LRRC4C: variants seen among roughly 807,000 people sequenced by gnomAD.
LRRC4C encodes leucine rich repeat containing 4C.
LRRC4C carries 5 observed loss-of-function variants against 33.6 expected under a neutral mutation model. That is an observed-to-expected ratio of 0.15 (90% confidence interval 0.08 to 0.31). LRRC4C has a LOEUF of 0.31. LRRC4C is among the 10% of genes least tolerant of loss of function. LRRC4C has a pLI of 1.00. For synonymous variants in LRRC4C, 329 were observed against 302.0 expected (o/e 1.09, Z -0.93); for missense variants, 560 against 796.7 (o/e 0.70, Z 3.58).
At chr11:40,571,093 G>T (rs1001815208) in intron 3 of LRRC4C, among the ~76,000 whole-genome samples, 7 of 151,972 alleles carry the variant, frequency 4.6e-5, no homozygotes, top group African/African-American at 1.7e-4. Context: ...AGAGTTTTAT[G>T]AATATATAAC....
intron 1 of LRRC4C, among the ~76,000 whole-genome samples, chr11:40,962,208 G>C (rs985804600): frequency 6.6e-6 from 1 of 151,544 alleles, no homozygotes; most frequent in Non-Finnish European, 1.5e-5. Flanking sequence ...AAAAAAAGGG[G>C]CTATGCTGTG....
chr11:40,403,292 T>C (rs963695594), intron 3 of LRRC4C, among the ~76,000 whole-genome samples: 1 of 152,136 alleles, frequency 6.6e-6, no homozygotes, highest in African/African-American at 2.4e-5. Flanking sequence ...TTATGCAGGA[T>C]TAAAACACCA....
intron 1 of LRRC4C, among the ~76,000 whole-genome samples, chr11:41,214,041 C>A (rs755425469): frequency 3.3e-5 from 5 of 152,280 alleles, no homozygotes; most frequent in Admixed American, 6.5e-5. Context: ...GCTGTTTTCC[C>A]ATTTTCCTAT....
rs530454263 is a variant in LRRC4C at position 40,953,467 on chromosome 11, T to C, written c.-495-19744A>G. The stretch of plus-strand genomic sequence containing the variant: ...CACCTTCTCTGAACCTCTGAATACA[T>C]TGCATTATCATTCTTCTTGTCACCA... On this transcript the variant is annotated intron_variant, in intron 1 of 6. Transcript: ENST00000528697. Among the ~76,000 whole-genome samples, 66 of 152,000 alleles carry C rather than the reference T, an allele frequency of 4.3e-4. No homozygotes were observed. In the South Asian group the frequency reaches 0.012, roughly 28 times the overall value.
rs146747810 is a variant in LRRC4C, at chr11:40,270,871, G to A, written c.-175-29273C>T. Among the ~76,000 whole-genome samples, 1,520 of 152,134 alleles carry A rather than the reference G, an allele frequency of 1.0e-2. 27 individuals carry two copies. The highest frequency in any genetic ancestry group is 0.088 in the South Asian group (424 of 4,812). On this transcript the variant is annotated intron_variant, in intron 4 of 6. Coordinates refer to ENST00000528697, the MANE Select transcript of LRRC4C (RefSeq NM_001258419.2). ...GACATTGAGAGTTATCATATGTATC[G>A]GGTGATTTTGATCACACTAGTGTAC...
chr11:41,050,627 C>A (rs1858133989), intron 1 of LRRC4C, among the ~76,000 whole-genome samples: 1 of 152,118 alleles, frequency 6.6e-6, no homozygotes, highest in Non-Finnish European at 1.5e-5. Context: ...TCAACTCACT[C>A]TTTTTTATGG....
intron 5 of LRRC4C, among the ~76,000 whole-genome samples, chr11:40,195,882 T>A (rs1352662331): frequency 6.6e-6 from 1 of 152,192 alleles, no homozygotes; most frequent in African/African-American, 2.4e-5. Context: ...GAAGTATTTA[T>A]AAGGTGTGGC....
chr11:40,789,586 T>C (rs1207187385), intron 2 of LRRC4C, among the ~76,000 whole-genome samples: 2 of 146,118 alleles, frequency 1.4e-5, no homozygotes, highest in Non-Finnish European at 3.0e-5. Context: ...ACTTCAGATA[T>C]ATTTTTAAAA....
At chr11:40,427,140 G>A (rs1299184043) in intron 3 of LRRC4C, among the ~76,000 whole-genome samples, 2 of 152,088 alleles carry the variant, frequency 1.3e-5, no homozygotes, top group East Asian at 3.9e-4. Flanking sequence ...ATAGAGGGTT[G>A]GCAAGGGGCA....
intron 6 of LRRC4C, among the ~76,000 whole-genome samples, chr11:40,130,928 C>T (rs1157779966): frequency 6.6e-6 from 1 of 152,150 alleles, no homozygotes; most frequent in African/African-American, 2.4e-5. Context: ...TACAATGGCT[C>T]TTTCTACTAG....
intron 1 of LRRC4C, among the ~76,000 whole-genome samples, chr11:41,331,961 T>C (rs1369742316): frequency 3.3e-5 from 5 of 152,210 alleles, no homozygotes; most frequent in Non-Finnish European, 1.5e-5. Context: ...ACTCCCATGA[T>C]AACCCCTTAT....
chr11:40,220,288 T>C lies in LRRC4C; in HGVS notation c.-96+21231A>G, dbSNP rs866843798. Reference sequence around the variant, plus strand: ...TGTCGACTCCTACACCTCCCAAAAATTGTTAACTGTCATGAAAGTTTTAGA... The same window carrying C: ...TGTCGACTCCTACACCTCCCAAAAACTGTTAACTGTCATGAAAGTTTTAGA... On this transcript the variant is annotated intron_variant, in intron 5 of 6. Coordinates refer to ENST00000528697, the MANE Select transcript of LRRC4C (RefSeq NM_001258419.2). 3.6e-4 allele frequency among the ~76,000 whole-genome samples: 55 copies of C among 152,292 alleles called. No homozygotes were observed. The Middle Eastern group carries it at 0.01, about 28-fold the overall frequency.
chr11:40,868,292 T>C (rs1387880630), intron 2 of LRRC4C, among the ~76,000 whole-genome samples: 1 of 152,166 alleles, frequency 6.6e-6, no homozygotes, highest in Non-Finnish European at 1.5e-5. Context: ...ATTGCCATAA[T>C]GGCTTAAGCT....
chr11:40,165,809 G>A lies in LRRC4C; in HGVS notation c.-95-24956C>T, dbSNP rs375928445. Among the ~76,000 whole-genome samples the A allele has an allele frequency of 2.5e-4, 38 of 152,268 alleles. 2 individuals are homozygous for A. The highest frequency in any genetic ancestry group is 8.7e-4 in the African/African-American group (36 of 41,568). ...AAAAATACAAAATTAGCCGGGCGTGGTGGTGCATGCTTGTAATCCCAGCTA... is the reference window on the plus strand; with the variant it reads ...AAAAATACAAAATTAGCCGGGCGTGATGGTGCATGCTTGTAATCCCAGCTA... On this transcript the variant is annotated intron_variant, in intron 5 of 6. Coordinates refer to ENST00000528697, the MANE Select transcript of LRRC4C (RefSeq NM_001258419.2).
At chr11:40,678,336 A>G (rs1312775321) in intron 2 of LRRC4C, among the ~76,000 whole-genome samples, 1 of 151,866 alleles carries the variant, frequency 6.6e-6, no homozygotes, top group African/African-American at 2.4e-5. Context: ...CATTTAATCC[A>G]TCTTCATTTC....
intron 4 of LRRC4C, among the ~76,000 whole-genome samples, chr11:40,312,270 G>A (rs1226989677): frequency 6.6e-6 from 1 of 152,138 alleles, no homozygotes; most frequent in African/African-American, 2.4e-5. Context: ...AAACAATAGA[G>A]CCACCAATGC....
At chr11:40,620,985 T>C (rs879872372) in intron 3 of LRRC4C, among the ~76,000 whole-genome samples, 4 of 151,716 alleles carry the variant, frequency 2.6e-5, no homozygotes, top group Non-Finnish European at 5.9e-5. Context: ...TGTTTTTTTC[T>C]GATGAGCAGG....
At chr11:40,978,677 A>G (rs1852272432) in intron 1 of LRRC4C, among the ~76,000 whole-genome samples, 1 of 147,534 alleles carries the variant, frequency 6.8e-6, no homozygotes, top group Non-Finnish European at 1.5e-5. Flanking sequence ...GCTGGAGTGC[A>G]GTGGTGCACT....
chr11:40,446,360 C>T (rs1951635584), intron 3 of LRRC4C: 1 of 152,146 alleles, frequency 6.6e-6, no homozygotes, highest in African/African-American at 2.4e-5. Flanking sequence ...GTACAGTTAA[C>T]TCCTCATGCC....
Sources: allele counts gnomAD v4.1 joint callset (sites outside exome capture counted in the v4.1 genomes callset), GRCh38; gene constraint gnomAD v4.1.1; transcripts MANE v1.5; gene names NCBI Gene and HGNC (gene_info 2026-07-23, HGNC 2026-07-21).